Variants in BCAS3 observed in about 807,000 individuals in gnomAD.
BCAS3 encodes the protein BCAS3 microtubule associated cell migration factor, also known as BCAS4/BCAS3 fusion.
Under a neutral mutation model 116.1 loss-of-function variants are expected in BCAS3, and 53 were observed. That is an observed-to-expected ratio of 0.46 (90% CI 0.37 to 0.57). The LOEUF (loss-of-function observed/expected upper bound fraction) is 0.57. Ranked by LOEUF, BCAS3 falls within the 20% of genes least tolerant of loss-of-function variation. BCAS3 has a pLI of 0.00. For synonymous variants in BCAS3, 391 were observed against 408.2 expected (o/e 0.96, Z 0.51); for missense variants, 917 against 1,165.4 (o/e 0.79, Z 3.10).
intron 6 of BCAS3, among the ~76,000 whole-genome samples, chr17:60,755,614 C>T (rs2042921482): frequency 6.6e-6 from 1 of 152,110 alleles, no homozygotes; most frequent in Non-Finnish European, 1.5e-5. Flanking sequence ...ATTGGGATTA[C>T]TATGTAATGT....
rs145020951 is a variant in BCAS3 at position 61,056,200 on chromosome 17, T to C, written c.2029+15308T>C. ...ACTTGGGAAGAGATGGAGATAGAAATTGATTAGTGGCCAAAATAAAGATGG... is the reference window on the plus strand; with the variant it reads ...ACTTGGGAAGAGATGGAGATAGAAACTGATTAGTGGCCAAAATAAAGATGG... On this transcript the variant is annotated intron_variant, in intron 19 of 23. Transcript: ENST00000407086. This position sits in a 1 kb window ranked among gnomAD's most constrained non-coding sequence, Gnocchi z 4.9. 4.5e-3 allele frequency among the ~76,000 whole-genome samples: 689 copies of C among 152,282 alleles called. 9 individuals carry two copies. The highest frequency in any genetic ancestry group is 0.016 in the African/African-American group (656 of 41,552).
rs2048805962 is a variant in BCAS3, at chr17:61,256,685, G to C, written c.2426-111642G>C. ...CCCACTTCCTGCCTTTGAAACCAGT[G>C]AATTGTGTCACCAGAGAGCCTTGGA... On this transcript the variant is annotated intron_variant, in intron 22 of 23. Coordinates refer to ENST00000407086, the MANE Select transcript of BCAS3 (RefSeq NM_017679.5). The surrounding 1 kb of genome is among the most constrained non-coding windows in gnomAD (Gnocchi z 5.6). Among the ~76,000 whole-genome samples the C allele has an allele frequency of 6.6e-6, 1 of 152,148 alleles. No homozygotes were observed. The highest frequency in any genetic ancestry group is 2.1e-4 in the South Asian group (1 of 4,822).
At chr17:60,783,798 CAG>C (rs1384890759) in intron 6 of BCAS3, among the ~76,000 whole-genome samples, 11 of 152,126 alleles carry the variant, frequency 7.2e-5, no homozygotes, top group African/African-American at 2.4e-4. Flanking sequence ...CAGTTATATA[CAG>C]AGTTTCCACA....
chr17:60,689,963 T>C (rs1019846246), intron 4 of BCAS3, among the ~76,000 whole-genome samples: 3 of 152,148 alleles, frequency 2.0e-5, no homozygotes, highest in Non-Finnish European at 4.4e-5. Context: ...TATAACACAG[T>C]GTGTAAGTGT....
Position 61,324,388 on chromosome 17 carries a change from A to G in BCAS3, c.2426-43939A>G, listed in dbSNP as rs2055559134. ...CCATTTGACCCCTGCAAGGCTGATC[A>G]CTGTCAGGGCAGGGCAGGGAGAGGC... On this transcript the variant is annotated intron_variant, in intron 22 of 23. Coordinates refer to ENST00000407086, the MANE Select transcript of BCAS3 (RefSeq NM_017679.5). The surrounding 1 kb of genome is among the most constrained non-coding windows in gnomAD (Gnocchi z 4.6). Among the ~76,000 whole-genome samples the G allele has an allele frequency of 6.6e-6, 1 of 152,222 alleles. No individual in the cohort carries two copies. Among genetic ancestry groups the G allele is most frequent in the African/African-American group, 2.4e-5 (1 of 41,442 alleles).
At chr17:61,166,605 C>T (rs1045030685) in intron 22 of BCAS3, among the ~76,000 whole-genome samples, 1 of 151,996 alleles carries the variant, frequency 6.6e-6, no homozygotes, top group Non-Finnish European at 1.5e-5. Context: ...ACCATGCTGG[C>T]CAGGCTGGTC....
intron 23 of BCAS3, among the ~76,000 whole-genome samples, chr17:61,369,919 G>A (rs969451279): frequency 1.3e-5 from 2 of 152,172 alleles, no homozygotes; most frequent in East Asian, 1.9e-4. Context: ...CACATAAACC[G>A]GAGCCCGGTG....
At chr17:60,692,546 A>G (rs2034985083) in intron 4 of BCAS3, among the ~76,000 whole-genome samples, 1 of 152,044 alleles carries the variant, frequency 6.6e-6, no homozygotes, top group South Asian at 2.1e-4. Flanking sequence ...CTGGTGAAAC[A>G]GAGGGAACTT....
chr17:60,750,292 A>G (rs1222863887), intron 6 of BCAS3, among the ~76,000 whole-genome samples: 1 of 152,222 alleles, frequency 6.6e-6, no homozygotes, highest in African/African-American at 2.4e-5. Flanking sequence ...TATGATTTAA[A>G]AAAGAAAAGT....
intron 22 of BCAS3, among the ~76,000 whole-genome samples, chr17:61,351,982 G>A (rs985309687): frequency 1.3e-5 from 2 of 152,170 alleles, no homozygotes; most frequent in Non-Finnish European, 1.5e-5. Context: ...TTGCCAGCTC[G>A]TTGAGCTGTT....
intron 7 of BCAS3, among the ~76,000 whole-genome samples, chr17:60,852,226 G>A (rs1002330539): frequency 1.3e-5 from 2 of 151,894 alleles, no homozygotes; most frequent in African/African-American, 4.8e-5. Context: ...TTGGTGTGCT[G>A]CACCCATGTT....
intron 6 of BCAS3, among the ~76,000 whole-genome samples, chr17:60,772,626 T>C (rs1694356627): frequency 6.6e-6 from 1 of 152,176 alleles, no homozygotes; most frequent in Non-Finnish European, 1.5e-5. Context: ...ACACCTGTAA[T>C]CCCAGCTCTT....
Position 61,145,885 on chromosome 17 carries a change from T to G in BCAS3, c.2425+61321T>G, listed in dbSNP as rs2077175358. On this transcript the variant is annotated intron_variant, in intron 22 of 23. Coordinates refer to ENST00000407086, the MANE Select transcript of BCAS3 (RefSeq NM_017679.5). This position sits in a 1 kb window ranked among gnomAD's most constrained non-coding sequence, Gnocchi z 5.0. ...CATTTTTTTTTCTTCCCTCACAAATTTCAACCCAGGCCACTTGTTTGCAGA... is the reference window on the plus strand; with the variant it reads ...CATTTTTTTTTCTTCCCTCACAAATGTCAACCCAGGCCACTTGTTTGCAGA... Among the ~76,000 whole-genome samples the G allele has an allele frequency of 1.3e-5, 2 of 152,022 alleles. 1 individual carries two copies. Among genetic ancestry groups the G allele is most frequent in the South Asian group, 4.2e-4 (2 of 4,812 alleles).
chr17:60,798,728 T>A (rs953546349), intron 6 of BCAS3, among the ~76,000 whole-genome samples: 11 of 152,234 alleles, frequency 7.2e-5, no homozygotes, highest in Middle Eastern at 3.2e-3. Context: ...CATTGTACGG[T>A]AAGAGTATGT....
chr17:60,701,632 G>A (rs189511827), intron 4 of BCAS3, among the ~76,000 whole-genome samples: 3 of 152,176 alleles, frequency 2.0e-5, no homozygotes, highest in Admixed American at 2.0e-4. Context: ...AAGATGTATA[G>A]ATACTAACCT....
At chr17:61,321,600 T>A (rs931937334) in intron 22 of BCAS3, among the ~76,000 whole-genome samples, 9 of 152,226 alleles carry the variant, frequency 5.9e-5, no homozygotes, top group African/African-American at 2.2e-4. Flanking sequence ...GCTTGTGCCC[T>A]TATCCCTTCA....
At chr17:61,081,855 C>T (rs986759027) in intron 21 of BCAS3, among the ~76,000 whole-genome samples, 8 of 152,182 alleles carry the variant, frequency 5.3e-5, no homozygotes, top group African/African-American at 1.7e-4. Flanking sequence ...GGCCTATGGC[C>T]GACCATTGGC....
At chr17:60,762,898 T>C (rs1349743529) in intron 6 of BCAS3, among the ~76,000 whole-genome samples, 3 of 151,798 alleles carry the variant, frequency 2.0e-5, no homozygotes, top group Non-Finnish European at 4.4e-5. Flanking sequence ...GTAGTTCTTC[T>C]TGAAGAGGTC....
intron 5 of BCAS3, among the ~76,000 whole-genome samples, chr17:60,732,793 C>T (rs752694556): frequency 1.2e-4 from 19 of 152,090 alleles, no homozygotes; most frequent in Non-Finnish European, 1.5e-4. Flanking sequence ...GAGCCAAGAT[C>T]GCACCATTGC....
Sources: gnomAD v4.1 joint callset for allele counts (sites outside exome capture counted in the v4.1 genomes callset) on GRCh38, gnomAD v4.1.1 for gene constraint, Gnocchi (gnomAD v3.1) non-coding constraint, MANE v1.5 for transcripts, NCBI Gene and HGNC (gene_info 2026-07-23, HGNC 2026-07-21) for gene names.